The following DDX60L variants were observed in gnomAD, a reference collection of about 807,000 sequenced individuals.
The protein encoded by DDX60L is DExD/H-box 60 like.
In DDX60L, 191 loss-of-function variants were observed where a neutral mutation model predicts 211.6. The ratio of observed to expected loss-of-function variants is 0.90; its 90% CI spans 0.80 to 1.02. DDX60L has a LOEUF of 1.02. Among genes scored for constraint, DDX60L ranks in the 50% least tolerant of loss-of-function variants. DDX60L has a pLI of 0.00. For synonymous variants in DDX60L, 706 were observed against 694.1 expected, an observed-to-expected ratio of 1.02 and a Z score of -0.27; for missense variants, 2,007 against 1,984.1, an observed-to-expected ratio of 1.01 and a Z score of -0.22.
At chr4:168,361,353 C>T (rs1739082953) in intron 36 of DDX60L, 142 bp from the exon 37 acceptor site, 2 of 539,660 alleles carry the variant, frequency 3.7e-6, no homozygotes, top group Non-Finnish European at 3.3e-6. Context: ...TTGTATTAAT[C>T]ATAATGAAAT....
At chr4:168,412,822 A>T (rs996772313) in intron 22 of DDX60L, among the ~76,000 whole-genome samples, 1 of 152,234 alleles carries the variant, frequency 6.6e-6, no homozygotes, top group Admixed American at 6.5e-5. Context: ...AGGCAGCTCA[A>T]CACAGAGAAA....
rs1171586132 is a variant in DDX60L at position 168,419,299 on chromosome 4, T to C, written c.2610+3A>G. 3 of 1,582,958 alleles carry C rather than the reference T, an allele frequency of 1.9e-6. No homozygotes were observed. The highest frequency in any genetic ancestry group is 1.7e-6 in the Non-Finnish European group (2 of 1,161,740). On this transcript the variant is annotated splice_donor_region_variant and intron_variant, in intron 19 of 37. Transcript: ENST00000682922. Reference sequence around the variant, plus strand: ...TCAACCAGAGAACTAACACCAAACCTACCTCATCAAATATAACATATCTGA... The same window carrying C: ...TCAACCAGAGAACTAACACCAAACCCACCTCATCAAATATAACATATCTGA...
At chr4:168,361,045 G>T in intron 37 of DDX60L, 104 bp downstream of exon 37, 2 of 847,232 alleles carry the variant, frequency 2.4e-6, no homozygotes, top group Non-Finnish European at 3.8e-6. Flanking sequence ...AGTATCTTCA[G>T]AGTGCTCCTT....
At position 168,432,511 on chromosome 4, in the gene DDX60L, C is replaced by A; in HGVS notation, c.1460G>T (p.Trp487Leu). ...KQKTSDELLH[W>L]HAQRLLSDDY... ...GTCACTAAGGAGTCTTTGAGCATGC[C>A]AGTGCAAAAGTTCATCAGATGTCTT... Residue 487 changes from tryptophan (W) to leucine (L), a missense_variant, in exon 12 of 38, where the codon TGG (tryptophan) becomes TTG (leucine). Transcript: ENST00000682922. 1 of 1,586,990 alleles carries A rather than the reference C, an allele frequency of 6.3e-7. No homozygotes were observed. Among genetic ancestry groups the A allele is most frequent in the Middle Eastern group, 1.7e-4 (1 of 5,942 alleles).
chr4:168,387,027 T>C (rs1364468967), intron 29 of DDX60L, among the ~76,000 whole-genome samples: 4 of 152,146 alleles, frequency 2.6e-5, no homozygotes, highest in Admixed American at 6.5e-5. Context: ...AGAAAAACGA[T>C]GCTATCCATC....
At chr4:168,409,145 C>T (rs377284950) in intron 22 of DDX60L, among the ~76,000 whole-genome samples, 1 of 152,186 alleles carries the variant, frequency 6.6e-6, no homozygotes, top group African/African-American at 2.4e-5. Context: ...TTTTAAGAAG[C>T]ATGTCTCTCT....
In DDX60L at chr4:168,453,116, A is replaced by G. The variant is rs954507866; in HGVS notation, c.996+8T>C. ...TGTTCAGACAAAAAATAAACAAAAT[A>G]TGTTTACCATTTTTAAGAAAGAATC... is the stretch of plus-strand genomic sequence containing the variant. On this transcript the variant is annotated splice_region_variant and intron_variant, in intron 8 of 37. Coordinates refer to ENST00000682922, the MANE Select transcript of DDX60L (RefSeq NM_001012967.3). The G allele has an allele frequency of 1.9e-6, 3 of 1,600,670 alleles. No individual in the cohort carries two copies. Among genetic ancestry groups the G allele is most frequent in the Non-Finnish European group, 2.6e-6 (3 of 1,174,434 alleles).
chr4:168,466,264 C>G (rs922424910), intron 4 of DDX60L, among the ~76,000 whole-genome samples: 4 of 151,684 alleles, frequency 2.6e-5, no homozygotes, highest in African/African-American at 9.7e-5. Context: ...AAAGCTAGGT[C>G]TTTGAAAACA....
At chr4:168,465,522 G>T (rs1397996142) in intron 4 of DDX60L, among the ~76,000 whole-genome samples, 2 of 152,024 alleles carry the variant, frequency 1.3e-5, no homozygotes, top group East Asian at 3.9e-4. Flanking sequence ...GTCTACTTTT[G>T]CTTTTGCTAC....
intron 36 of DDX60L, among the ~76,000 whole-genome samples, chr4:168,370,550 A>G (rs769537956): frequency 3.3e-5 from 5 of 152,192 alleles, no homozygotes; most frequent in Non-Finnish European, 5.9e-5. Context: ...ACAGCATTGT[A>G]TTGTAGATTA....
At chr4:168,372,657 G>T (rs1312813062) in intron 35 of DDX60L, among the ~76,000 whole-genome samples, 1 of 151,922 alleles carries the variant, frequency 6.6e-6, no homozygotes, top group African/African-American at 2.4e-5. Context: ...AGCCCCGGAA[G>T]TTGAGGATGC....
At chr4:168,440,698 G>A (rs1713233147) in intron 10 of DDX60L, among the ~76,000 whole-genome samples, 2 of 152,108 alleles carry the variant, frequency 1.3e-5, no homozygotes, top group African/African-American at 2.4e-5. Flanking sequence ...TCCAGACTGG[G>A]TTGGTCTGTT....
intron 26 of DDX60L, among the ~76,000 whole-genome samples, chr4:168,399,583 A>G (rs1746435060): frequency 6.6e-6 from 1 of 152,346 alleles, no homozygotes; most frequent in African/African-American, 2.4e-5. Context: ...CAGCACCTGT[A>G]TTTCAATAAC....
intron 8 of DDX60L, among the ~76,000 whole-genome samples, chr4:168,450,070 T>C (rs535164465): frequency 4.3e-4 from 66 of 152,222 alleles, no homozygotes; most frequent in Admixed American, 8.5e-4. Context: ...CGGCGGCCCA[T>C]GGAGGACTAA....
At chr4:168,408,922 G>A (rs190044074) in intron 22 of DDX60L, among the ~76,000 whole-genome samples, 159 of 152,242 alleles carry the variant, frequency 1.0e-3, no homozygotes, top group Non-Finnish European at 2.0e-3. Context: ...GTGTTACAGA[G>A]AATAAATCCA....
intron 37 of DDX60L, among the ~76,000 whole-genome samples, chr4:168,359,258 C>A (rs561427696): frequency 6.6e-6 from 1 of 152,260 alleles, no homozygotes; most frequent in African/African-American, 2.4e-5. Flanking sequence ...GTCTGAAATT[C>A]CTCCAGAGTT....
At chr4:168,443,416 G>A (rs1243443187) in intron 9 of DDX60L, among the ~76,000 whole-genome samples, 6 of 151,924 alleles carry the variant, frequency 3.9e-5, no homozygotes, top group Non-Finnish European at 2.9e-5. Flanking sequence ...GTACCTGAAA[G>A]TGATGGGGAG....
intron 1 of DDX60L, among the ~76,000 whole-genome samples, chr4:168,478,687 A>T (rs1361241873): frequency 1.3e-5 from 2 of 152,238 alleles, no homozygotes; most frequent in Non-Finnish European, 2.9e-5. Flanking sequence ...AAGAATTTTT[A>T]AAAATATATA....
intron 7 of DDX60L, among the ~76,000 whole-genome samples, chr4:168,455,195 A>G (rs1188578085): frequency 6.9e-6 from 1 of 144,870 alleles, no homozygotes; most frequent in Non-Finnish European, 1.5e-5. Flanking sequence ...TTTTTTTTCT[A>G]TTTCTTTTAT....
Sources: allele counts gnomAD v4.1 joint callset (sites outside exome capture counted in the v4.1 genomes callset), GRCh38; gene constraint gnomAD v4.1.1; transcripts MANE v1.5; gene names NCBI Gene and HGNC (gene_info 2026-07-23, HGNC 2026-07-21).